The following KCNG3 variants were observed in gnomAD, a reference collection of about 807,000 sequenced individuals.
KCNG3 encodes the protein potassium voltage-gated channel modifier subfamily G member 3.
A neutral mutation model predicts 29.0 loss-of-function variants in KCNG3; 15 were observed. That is an observed-to-expected ratio of 0.52 (90% confidence interval 0.35 to 0.80). The LOEUF (loss-of-function observed/expected upper bound fraction) is 0.80, where lower values mean the gene tolerates loss of function less well. Among genes scored for constraint, KCNG3 ranks in the 30% least tolerant of loss-of-function variants. The pLI is 0.01. For missense variants in KCNG3, 512 were observed against 605.7 expected (o/e 0.85, Z 1.62); for synonymous variants, 322 against 248.9 (o/e 1.29, Z -2.76).
intron 1 of KCNG3, among the ~76,000 whole-genome samples, chr2:42,479,042 G>C (rs1382291673): frequency 2.0e-5 from 3 of 150,140 alleles, no homozygotes; most frequent in Non-Finnish European, 4.4e-5. Context: ...ACTCCAATGA[G>C]CATTTCCTTT....
intron 1 of KCNG3, among the ~76,000 whole-genome samples, chr2:42,492,383 T>C (rs1572871165): frequency 6.6e-6 from 1 of 152,342 alleles, no homozygotes; most frequent in East Asian, 1.9e-4. Flanking sequence ...GTGTATAGAA[T>C]GTGTGGAGAG....
chr2:42,461,187 A>C (rs10210449), intron 1 of KCNG3, among the ~76,000 whole-genome samples: 2,254 of 43,764 alleles, frequency 0.052, 4 homozygotes, highest in Middle Eastern at 0.19. Flanking sequence ...CAAAACAAAA[A>C]AAAAAAAAAA....
At chr2:42,430,281 T>C in the KCNG3 span, among the ~76,000 whole-genome samples, 290 of 151,752 alleles carry the variant, frequency 1.9e-3, 4 homozygotes, top group South Asian at 0.023. Flanking sequence ...AGTGGGAGGA[T>C]TGCTTGAGCC....
chr2:42,397,122 G>GT, the KCNG3 span, among the ~76,000 whole-genome samples: 1 of 152,036 alleles, frequency 6.6e-6, no homozygotes, highest in African/African-American at 2.4e-5. Flanking sequence ...GCAGACACCT[G>GT]TAATTCCAGC....
intron 1 of KCNG3, among the ~76,000 whole-genome samples, chr2:42,455,062 C>T (rs1046803533): frequency 6.6e-6 from 1 of 152,172 alleles, no homozygotes; most frequent in Non-Finnish European, 1.5e-5. Flanking sequence ...TATTTTACTA[C>T]AATTTTAAAG....
the KCNG3 span, among the ~76,000 whole-genome samples, chr2:42,390,861 T>C: frequency 6.6e-6 from 1 of 152,296 alleles, no homozygotes; most frequent in South Asian, 2.1e-4. Context: ...TATTTTCATT[T>C]CCCCTCATTT....
At chr2:42,420,763 C>G in the KCNG3 span, among the ~76,000 whole-genome samples, 1 of 152,016 alleles carries the variant, frequency 6.6e-6, no homozygotes, top group East Asian at 1.9e-4. Context: ...GCACTCCAGA[C>G]TGGGTAACAA....
At chr2:42,401,572 G>A in the KCNG3 span, among the ~76,000 whole-genome samples, 19 of 151,962 alleles carry the variant, frequency 1.3e-4, no homozygotes, top group African/African-American at 4.6e-4. Flanking sequence ...CTTCTCAGTA[G>A]CTGGGGCCAC....
intron 1 of KCNG3, among the ~76,000 whole-genome samples, chr2:42,468,853 G>C (rs934242441): frequency 6.7e-6 from 1 of 150,030 alleles, no homozygotes; most frequent in Non-Finnish European, 1.5e-5. Flanking sequence ...TACTCCAGAG[G>C]CTGAGGCAGA....
chr2:42,423,068 C>G, the KCNG3 span, among the ~76,000 whole-genome samples: 8,843 of 152,264 alleles, frequency 0.058, 337 homozygotes, highest in South Asian at 0.088. Context: ...TTGGACCACT[C>G]TAGACAGAAC....
At chr2:42,487,218 AATAG>A (rs775240491) in intron 1 of KCNG3, among the ~76,000 whole-genome samples, 3 of 151,970 alleles carry the variant, frequency 2.0e-5, no homozygotes, top group Non-Finnish European at 4.4e-5. Context: ...TTGCTCAACA[AATAG>A]ATAGTGAAAG....
the KCNG3 span, among the ~76,000 whole-genome samples, chr2:42,403,116 G>A: frequency 7.2e-5 from 11 of 152,116 alleles, no homozygotes; most frequent in Non-Finnish European, 1.5e-4. Flanking sequence ...TCTTGTTAAT[G>A]TGAATGGTCT....
In KCNG3 at chr2:42,478,956, A is replaced by AT. The variant is rs58327433; in HGVS notation, c.665+13880dup. ...GGACTAGAAGTATTTCAGAGTTTGAATTTTTTTTTTTTTTTTTTGGATTTT... is the reference window on the plus strand; with the variant it reads ...GGACTAGAAGTATTTCAGAGTTTGAATTTTTTTTTTTTTTTTTTTGGATTTT... On this transcript the variant is annotated intron_variant, in intron 1 of 1. Transcript: ENST00000306078. 8.5e-3 allele frequency among the ~76,000 whole-genome samples: 1,218 copies of AT among 143,440 alleles called. 8 individuals are homozygous for AT. Among genetic ancestry groups the AT allele is most frequent in the African/African-American group, 0.025 (991 of 39,028 alleles). The allele number at this position is 143,440 out of a possible 152,430, so 94.1% of individuals were successfully genotyped here. A position where few individuals can be genotyped will look rare whatever the true frequency, so the allele number is the denominator to read the frequency against.
At chr2:42,419,283 G>C in the KCNG3 span, among the ~76,000 whole-genome samples, 1 of 120,430 alleles carries the variant, frequency 8.3e-6, no homozygotes, top group Non-Finnish European at 1.6e-5. Context: ...TGGCACCCAG[G>C]CTGGAGTGCA....
chr2:42,409,699 C>CAAAAAAAAAAAAA, the KCNG3 span, among the ~76,000 whole-genome samples: 2 of 51,984 alleles, frequency 3.8e-5, no homozygotes, highest in African/African-American at 1.2e-4. Flanking sequence ...GTGCCTGTCT[C>CAAAAAAAAAAAAA]AAAAAAAAAA....
chr2:42,406,959 A>G, the KCNG3 span, among the ~76,000 whole-genome samples: 7 of 152,002 alleles, frequency 4.6e-5, no homozygotes, highest in Non-Finnish European at 8.8e-5. Flanking sequence ...AATTTCTTTA[A>G]TATTTGTAGC....
At chr2:42,474,913 G>C (rs1482133395) in intron 1 of KCNG3, among the ~76,000 whole-genome samples, 1 of 152,156 alleles carries the variant, frequency 6.6e-6, no homozygotes, top group Non-Finnish European at 1.5e-5. Context: ...TCCAGTGGCA[G>C]CTGACCCAAT....
the KCNG3 span, among the ~76,000 whole-genome samples, chr2:42,392,742 G>C: frequency 2.6e-5 from 4 of 151,764 alleles, no homozygotes; most frequent in Admixed American, 2.6e-4. Context: ...GATGAATGAG[G>C]GTCCTGGCAT....
the KCNG3 span, among the ~76,000 whole-genome samples, chr2:42,424,289 T>C: frequency 6.6e-6 from 1 of 152,106 alleles, no homozygotes; most frequent in African/African-American, 2.4e-5. Context: ...CACAAAAAAA[T>C]GAGGTGCTCT....
Sources: allele counts gnomAD v4.1 joint callset (sites outside exome capture counted in the v4.1 genomes callset), GRCh38; gene constraint gnomAD v4.1.1; transcripts MANE v1.5; gene names NCBI Gene and HGNC (gene_info 2026-07-23, HGNC 2026-07-21).